SUGCT: variants seen among roughly 807,000 people sequenced by gnomAD.
SUGCT encodes succinyl-CoA:glutarate-CoA transferase, also known as succinyl-CoA:glutarate CoA-transferase.
A neutral mutation model predicts 55.0 loss-of-function variants in SUGCT; 41 were observed. That is an observed-to-expected ratio of 0.74 (90% confidence interval 0.58 to 0.97). SUGCT has a LOEUF of 0.97. Among genes scored for constraint, SUGCT ranks in the 50% least tolerant of loss-of-function variants. SUGCT has a pLI of 0.00. For synonymous variants in SUGCT, 187 were observed against 200.4 expected, an observed-to-expected ratio of 0.93 and a Z score of 0.56; for missense variants, 568 against 547.8, an observed-to-expected ratio of 1.04 and a Z score of -0.37.
intron 12 of SUGCT, among the ~76,000 whole-genome samples, chr7:40,746,129 G>A (rs1392232978): frequency 1.3e-5 from 2 of 152,146 alleles, no homozygotes; most frequent in Admixed American, 6.6e-5. Flanking sequence ...AAACATGAAA[G>A]GGAGTTGAAG....
the SUGCT span, among the ~76,000 whole-genome samples, chr7:40,914,570 G>A: frequency 1.3e-5 from 2 of 152,144 alleles, no homozygotes; most frequent in African/African-American, 4.8e-5. Flanking sequence ...GTAGAGTATA[G>A]TAGAGTATAG....
chr7:40,209,421 C>T (rs553599464), intron 6 of SUGCT, among the ~76,000 whole-genome samples: 10 of 152,194 alleles, frequency 6.6e-5, no homozygotes, highest in East Asian at 1.9e-4. Context: ...CTGCTTGAAC[C>T]GGGAGGTGGA....
the SUGCT span, among the ~76,000 whole-genome samples, chr7:40,899,914 TC>T: frequency 6.6e-6 from 1 of 152,154 alleles, no homozygotes; most frequent in Non-Finnish European, 1.5e-5. Context: ...AAATTAAGCT[TC>T]ATTATAAAGA....
intron 7 of SUGCT, among the ~76,000 whole-genome samples, chr7:40,261,755 T>C (rs1256757452): frequency 6.6e-6 from 1 of 152,222 alleles, no homozygotes; most frequent in Non-Finnish European, 1.5e-5. Context: ...AGATTGTTTA[T>C]ATGCAGATCT....
At position 40,245,431 on chromosome 7, in the gene SUGCT, T is replaced by TA. The variant is rs1184624224; in HGVS notation, c.576+7705_576+7706insA. Reference sequence around the variant, plus strand: ...TATATATATATATATATATTTTTTTTTTTTTTTTTTTTTTTTTTTTTTTTT... The same window carrying TA: ...TATATATATATATATATATTTTTTTTATTTTTTTTTTTTTTTTTTTTTTTTT... On this transcript the variant is annotated intron_variant, in intron 7 of 13. Coordinates refer to ENST00000335693, the MANE Select transcript of SUGCT (RefSeq NM_001193313.2). 9.6e-4 allele frequency among the ~76,000 whole-genome samples: 30 copies of TA among 31,364 alleles called. 2 individuals carry two copies. In the East Asian group the frequency reaches 0.03, roughly 31 times the overall value. 20.6% of individuals were successfully genotyped at this position (31,364 alleles called of 152,430 possible). A position where few individuals can be genotyped will look rare whatever the true frequency, so the allele number is the denominator to read the frequency against.
chr7:40,922,691 T>G, the SUGCT span, among the ~76,000 whole-genome samples: 9 of 152,206 alleles, frequency 5.9e-5, no homozygotes, highest in African/African-American at 2.2e-4. Context: ...CCACATGAGC[T>G]TTGGGTTAGT....
At chr7:40,242,391 T>C (rs1164043116) in intron 7 of SUGCT, among the ~76,000 whole-genome samples, 1 of 151,988 alleles carries the variant, frequency 6.6e-6, no homozygotes, top group Admixed American at 6.6e-5. Flanking sequence ...TGAGTGGTCT[T>C]GAACTCCTGA....
At chr7:40,278,680 T>C (rs1395493528) in intron 8 of SUGCT, among the ~76,000 whole-genome samples, 1 of 152,090 alleles carries the variant, frequency 6.6e-6, no homozygotes, top group East Asian at 1.9e-4. Context: ...TGGACATCTC[T>C]TTTCTCCTTT....
At chr7:40,786,947 T>A (rs1291301570) in intron 13 of SUGCT, among the ~76,000 whole-genome samples, 1 of 152,254 alleles carries the variant, frequency 6.6e-6, no homozygotes, top group Non-Finnish European at 1.5e-5. Flanking sequence ...AAGCTTAATG[T>A]CAGCCCTGGT....
At chr7:40,983,208 T>A in the SUGCT span, among the ~76,000 whole-genome samples, 1 of 152,058 alleles carries the variant, frequency 6.6e-6, no homozygotes, top group Non-Finnish European at 1.5e-5. Context: ...CAGGATGGGG[T>A]TCAGGGCAGT....
chr7:40,409,082 G>A (rs896366158), intron 9 of SUGCT, among the ~76,000 whole-genome samples: 4 of 150,208 alleles, frequency 2.7e-5, no homozygotes, highest in African/African-American at 9.8e-5. Context: ...AGCCTCCTGA[G>A]TAGCTGGAAC....
At chr7:40,492,463 T>A (rs1449701676) in intron 11 of SUGCT, among the ~76,000 whole-genome samples, 1 of 152,126 alleles carries the variant, frequency 6.6e-6, no homozygotes, top group African/African-American at 2.4e-5. Flanking sequence ...GCTGAGTAGG[T>A]CAGTCCCCTG....
At chr7:40,515,731 G>A (rs1035115462) in intron 12 of SUGCT, among the ~76,000 whole-genome samples, 2 of 152,110 alleles carry the variant, frequency 1.3e-5, no homozygotes, top group Non-Finnish European at 2.9e-5. Context: ...ATAGGCATTT[G>A]TATTGTATCC....
chr7:40,865,002 C>T (rs960443681), downstream of SUGCT, among the ~76,000 whole-genome samples: 2 of 151,972 alleles, frequency 1.3e-5, no homozygotes, highest in African/African-American at 4.8e-5. Context: ...GCTGCCTCCC[C>T]GCTCTTCCAT....
At chr7:40,384,158 A>T (rs1196455064) in intron 9 of SUGCT, among the ~76,000 whole-genome samples, 1 of 152,206 alleles carries the variant, frequency 6.6e-6, no homozygotes, top group African/African-American at 2.4e-5. Flanking sequence ...GGTAGCCCTT[A>T]ATTTTCTTAT....
At chr7:40,798,463 A>T (rs1790654090) in intron 13 of SUGCT, among the ~76,000 whole-genome samples, 1 of 152,226 alleles carries the variant, frequency 6.6e-6, no homozygotes, top group African/African-American at 2.4e-5. Context: ...ACATCAATAT[A>T]TTGAGAAATT....
intron 13 of SUGCT, among the ~76,000 whole-genome samples, chr7:40,776,776 C>G (rs1159848574): frequency 6.6e-6 from 1 of 152,114 alleles, no homozygotes; most frequent in Non-Finnish European, 1.5e-5. Context: ...CCCTCCCATG[C>G]CAGTGACAGA....
chr7:40,329,231 A>T (rs1044639920), intron 9 of SUGCT, among the ~76,000 whole-genome samples: 4 of 152,304 alleles, frequency 2.6e-5, no homozygotes, highest in Admixed American at 6.5e-5. Flanking sequence ...TTATAGTTTA[A>T]TATTAGGCAA....
At chr7:40,979,790 A>G in the SUGCT span, 1 of 152,192 alleles carries the variant, frequency 6.6e-6, no homozygotes, top group Admixed American at 6.5e-5. Context: ...GGAGACAAAA[A>G]TATACCCTAA....
Sources: allele counts gnomAD v4.1 joint callset (sites outside exome capture counted in the v4.1 genomes callset), GRCh38; gene constraint gnomAD v4.1.1; transcripts MANE v1.5; gene names NCBI Gene and HGNC (gene_info 2026-07-23, HGNC 2026-07-21).